CD44: variants seen among roughly 807,000 people sequenced by gnomAD.
The protein encoded by CD44 is CD44 antigen.
A neutral mutation model predicts 88.8 loss-of-function variants in CD44; 49 were observed. The ratio of observed to expected loss-of-function variants is 0.55; its 90% CI spans 0.44 to 0.70. CD44 has a LOEUF of 0.70. CD44 is among the 30% of genes least tolerant of loss of function. CD44 has a pLI of 0.00. For synonymous variants in CD44, 325 were observed against 312.3 expected, an observed-to-expected ratio of 1.04 and a Z score of -0.43; for missense variants, 883 against 913.8, an observed-to-expected ratio of 0.97 and a Z score of 0.43.
At chr11:35,228,915 A>G (rs967214583) in intron 17 of CD44, among the ~76,000 whole-genome samples, 1 of 152,112 alleles carries the variant, frequency 6.6e-6, no homozygotes, top group African/African-American at 2.4e-5. Context: ...TGGTCCAGGG[A>G]CCTCACTTTG....
chr11:35,198,395 G>A lies in CD44; in HGVS notation c.922+149G>A, dbSNP rs75536042. ...CTTAGTTATATCTTGATGAGATTATGGAAGAAGAAATAGAATGTTTTGAGA... is the reference window on the plus strand; with the variant it reads ...CTTAGTTATATCTTGATGAGATTATAGAAGAAGAAATAGAATGTTTTGAGA... On this transcript the variant is annotated intron_variant, in intron 7 of 17. Transcript: ENST00000428726. 8.3e-4 allele frequency: 510 copies of A among 612,968 alleles called. 1 individual carries two copies. In the African/African-American group the frequency reaches 8.8e-3, roughly 11 times the overall value. 38.0% of individuals were successfully genotyped at this position (612,968 alleles called of 1,614,324 possible).
rs528651413 is a variant in CD44 at position 35,168,443 on chromosome 11, T to C, written c.68-8132T>C. Reference sequence around the variant, plus strand: ...ACACAGGATTGTTAGGAAAATTAAGTGAAATATTAGGTGTAAAGTGCTGAA... The same window carrying C: ...ACACAGGATTGTTAGGAAAATTAAGCGAAATATTAGGTGTAAAGTGCTGAA... On this transcript the variant is annotated intron_variant, in intron 1 of 17. Coordinates refer to ENST00000428726, the MANE Select transcript of CD44 (RefSeq NM_000610.4). Among the ~76,000 whole-genome samples the C allele has an allele frequency of 7.2e-5, 11 of 152,220 alleles. No homozygotes were observed. The South Asian group carries it at 2.1e-3, about 29-fold the overall frequency.
At chr11:35,158,166 G>A (rs1942150023) in intron 1 of CD44, among the ~76,000 whole-genome samples, 1 of 152,174 alleles carries the variant, frequency 6.6e-6, no homozygotes, top group African/African-American at 2.4e-5. Context: ...CCAGAGCCCT[G>A]GGAGACACTC....
chr11:35,144,485 G>A (rs1193709131), intron 1 of CD44, among the ~76,000 whole-genome samples: 1 of 152,204 alleles, frequency 6.6e-6, no homozygotes, highest in South Asian at 2.1e-4. Flanking sequence ...AGAATGGCAG[G>A]GTAGGTTGAT....
chr11:35,145,748 G>C (rs1449786816), intron 1 of CD44, among the ~76,000 whole-genome samples: 1 of 152,196 alleles, frequency 6.6e-6, no homozygotes, highest in African/African-American at 2.4e-5. Context: ...TCTGGAAGGT[G>C]GTGGCAGAGG....
intron 17 of CD44, among the ~76,000 whole-genome samples, chr11:35,227,764 C>T (rs927675908): frequency 1.3e-5 from 2 of 152,220 alleles, no homozygotes; most frequent in East Asian, 3.8e-4. Context: ...GCAAAGTGAA[C>T]AATTCTGACT....
chr11:35,224,681 T>C (rs1949568667), intron 17 of CD44, among the ~76,000 whole-genome samples: 1 of 152,124 alleles, frequency 6.6e-6, no homozygotes, highest in Non-Finnish European at 1.5e-5. Flanking sequence ...GAGGCAGCAG[T>C]GAGCCATGAT....
intron 11 of CD44, among the ~76,000 whole-genome samples, chr11:35,206,677 G>T (rs1210800343): frequency 6.6e-6 from 1 of 150,688 alleles, no homozygotes; most frequent in East Asian, 1.9e-4. Context: ...GGTGGGGGGG[G>T]CAGTTTTCCT....
chr11:35,157,394 A>G (rs1042790566), intron 1 of CD44, among the ~76,000 whole-genome samples: 1 of 151,862 alleles, frequency 6.6e-6, no homozygotes, highest in Non-Finnish European at 1.5e-5. Flanking sequence ...TGTTCCATCT[A>G]TCATCTATCT....
chr11:35,157,367 C>CTAT (rs56061152), intron 1 of CD44, among the ~76,000 whole-genome samples: 4 of 149,458 alleles, frequency 2.7e-5, no homozygotes, highest in African/African-American at 7.4e-5. Context: ...ATCTATCTAT[C>CTAT]ATCTGTCTGT....
At chr11:35,165,409 A>G (rs1050844171) in intron 1 of CD44, among the ~76,000 whole-genome samples, 1 of 152,226 alleles carries the variant, frequency 6.6e-6, no homozygotes, top group Non-Finnish European at 1.5e-5. Context: ...ACTTATGTCC[A>G]TTAGTTTCTT....
In CD44 at chr11:35,218,010, AG is replaced by A. The variant is rs1398181737; in HGVS notation, c.1874-1305del. On this transcript the variant is annotated intron_variant, in intron 15 of 17. Coordinates refer to ENST00000428726, the MANE Select transcript of CD44 (RefSeq NM_000610.4). ...CCTATGTTTCCCAGGCTGGTCTCAAAGTCCTGGACTCAAGAGATCCTCCTGT... is the reference window on the plus strand; with the variant it reads ...CCTATGTTTCCCAGGCTGGTCTCAAATCCTGGACTCAAGAGATCCTCCTGT... Among the ~76,000 whole-genome samples the A allele has an allele frequency of 3.3e-5, 5 of 152,086 alleles. No individual in the cohort carries two copies. The South Asian group carries it at 1.0e-3, about 32-fold the overall frequency.
At chr11:35,195,033 T>C (rs958658347) in intron 5 of CD44, among the ~76,000 whole-genome samples, 4 of 152,168 alleles carry the variant, frequency 2.6e-5, no homozygotes, top group African/African-American at 9.7e-5. Flanking sequence ...AACTGTAAAG[T>C]GTAGGAAATG....
intron 1 of CD44, among the ~76,000 whole-genome samples, chr11:35,148,814 G>T (rs1859722037): frequency 1.3e-5 from 2 of 152,220 alleles, no homozygotes; most frequent in African/African-American, 2.4e-5. Context: ...GGCTAGCAAA[G>T]CCATCTCCGT....
intron 17 of CD44, chr11:35,223,189 A>T (rs994439312): frequency 8.1e-6 from 8 of 984,588 alleles, no homozygotes; most frequent in African/African-American, 1.8e-5. Context: ...CCTATGATTG[A>T]ATGGAAAGAT....
chr11:35,163,064 T>G (rs1237582100), intron 1 of CD44, among the ~76,000 whole-genome samples: 7 of 152,178 alleles, frequency 4.6e-5, no homozygotes, highest in Non-Finnish European at 1.0e-4. Flanking sequence ...TTGTAATGCT[T>G]TGTTGTTGCA....
intron 8 of CD44, 139 bp downstream of exon 8, chr11:35,201,334 C>T: frequency 1.5e-6 from 1 of 679,454 alleles, no homozygotes; most frequent in Middle Eastern, 2.4e-4. Context: ...TATGAGGATA[C>T]TTAATTCCAT....
chr11:35,161,708 T>A (rs573728807), intron 1 of CD44, among the ~76,000 whole-genome samples: 1 of 152,320 alleles, frequency 6.6e-6, no homozygotes, highest in East Asian at 1.9e-4. Context: ...GGTCATTCAG[T>A]TGTTGTAGCC....
At chr11:35,211,996 T>G (rs1948438902) in intron 14 of CD44, among the ~76,000 whole-genome samples, 1 of 152,170 alleles carries the variant, frequency 6.6e-6, no homozygotes, top group South Asian at 2.1e-4. Context: ...GATGCACACT[T>G]AAAATGTTCA....
Sources: allele counts gnomAD v4.1 joint callset (sites outside exome capture counted in the v4.1 genomes callset), GRCh38; gene constraint gnomAD v4.1.1; transcripts MANE v1.5; gene names NCBI Gene and HGNC (gene_info 2026-07-23, HGNC 2026-07-21).